Variants in LRRIQ3 observed in about 807,000 individuals in gnomAD.
The protein encoded by LRRIQ3 is leucine-rich repeat and IQ domain-containing protein 3.
Under a neutral mutation model 59.3 loss-of-function variants are expected in LRRIQ3, and 75 were observed. The observed-to-expected ratio is 1.26, with a 90% CI of 1.05 to 1.53. LRRIQ3 has a LOEUF of 1.53. LRRIQ3 is among the 40% of genes most tolerant of loss of function. The pLI is 0.00. For missense variants in LRRIQ3, 831 were observed against 710.0 expected (o/e 1.17, Z -1.94); for synonymous variants, 250 against 231.3 (o/e 1.08, Z -0.73).
chr1:74,179,533 C>T (rs952716237), intron 3 of LRRIQ3, among the ~76,000 whole-genome samples: 1 of 151,858 alleles, frequency 6.6e-6, no homozygotes, highest in Non-Finnish European at 1.5e-5. Context: ...TATTCTTATA[C>T]TCATTAATAA....
At chr1:74,132,344 G>C (rs1647037664) in intron 4 of LRRIQ3, among the ~76,000 whole-genome samples, 1 of 151,294 alleles carries the variant, frequency 6.6e-6, no homozygotes. Flanking sequence ...AACTACCAAT[G>C]ACTTTCTTGG....
intron 4 of LRRIQ3, among the ~76,000 whole-genome samples, chr1:74,147,273 T>A (rs966772836): frequency 1.3e-5 from 2 of 151,960 alleles, no homozygotes; most frequent in African/African-American, 4.8e-5. Context: ...AAAAGCAAAT[T>A]TAATTTGGTA....
chr1:74,034,315 T>C (rs1400027656), intron 7 of LRRIQ3, among the ~76,000 whole-genome samples: 1 of 151,984 alleles, frequency 6.6e-6, no homozygotes. Context: ...AGAGTAAAAC[T>C]CAAAGATGCC....
chr1:74,181,709 A>T (rs1649986571), intron 3 of LRRIQ3: 1 of 151,794 alleles, frequency 6.6e-6, no homozygotes, highest in Non-Finnish European at 1.5e-5. Flanking sequence ...ACTATTACAA[A>T]ATCACTAATA....
intron 4 of LRRIQ3, among the ~76,000 whole-genome samples, chr1:74,148,119 T>C (rs1331819865): frequency 1.3e-5 from 2 of 152,200 alleles, no homozygotes; most frequent in Non-Finnish European, 2.9e-5. Flanking sequence ...AGGCATTATG[T>C]TTCCTGCTTT....
At chr1:74,169,774 TC>T (rs1649209562) in intron 3 of LRRIQ3, among the ~76,000 whole-genome samples, 1 of 152,144 alleles carries the variant, frequency 6.6e-6, no homozygotes, top group Non-Finnish European at 1.5e-5. Context: ...AGTCTTGAAC[TC>T]CTGGCCTCAA....
intron 6 of LRRIQ3, among the ~76,000 whole-genome samples, chr1:74,065,889 A>G (rs892224350): frequency 6.6e-6 from 1 of 152,082 alleles, no homozygotes; most frequent in Non-Finnish European, 1.5e-5. Flanking sequence ...AGATTATTCA[A>G]CTACATAAAA....
intron 5 of LRRIQ3, among the ~76,000 whole-genome samples, chr1:74,086,489 T>A (rs1034662534): frequency 2.6e-5 from 4 of 152,140 alleles, no homozygotes; most frequent in Admixed American, 6.6e-5. Context: ...CTTTTTCTAA[T>A]TCCTAGTGCT....
At chr1:74,066,966 T>A (rs1018432542) in intron 6 of LRRIQ3, among the ~76,000 whole-genome samples, 21 of 152,156 alleles carry the variant, frequency 1.4e-4, no homozygotes, top group Non-Finnish European at 8.8e-5. Context: ...CAGAATTTAT[T>A]AACCAGTAAT....
intron 5 of LRRIQ3, among the ~76,000 whole-genome samples, chr1:74,086,631 G>C (rs1304120234): frequency 6.6e-6 from 1 of 152,070 alleles, no homozygotes; most frequent in Non-Finnish European, 1.5e-5. Flanking sequence ...GTTTTAATAT[G>C]AGTAATAGGC....
At chr1:74,133,474 A>T (rs1647062191) in intron 4 of LRRIQ3, among the ~76,000 whole-genome samples, 1 of 152,086 alleles carries the variant, frequency 6.6e-6, no homozygotes, top group Non-Finnish European at 1.5e-5. Flanking sequence ...AATGTCCAAC[A>T]ATGATAGACT....
chr1:74,177,022 T>C (rs1389877262), intron 3 of LRRIQ3, among the ~76,000 whole-genome samples: 1 of 152,218 alleles, frequency 6.6e-6, no homozygotes, highest in Non-Finnish European at 1.5e-5. Flanking sequence ...AGAGTGGTTA[T>C]TTTCTAAAAG....
chr1:74,038,191 C>A (rs991454389), intron 7 of LRRIQ3, among the ~76,000 whole-genome samples: 6 of 152,168 alleles, frequency 3.9e-5, no homozygotes, highest in African/African-American at 1.2e-4. Context: ...CCGGCTGTGG[C>A]AGACTGCAGC....
chr1:74,140,519 C>T (rs544459363), intron 4 of LRRIQ3, among the ~76,000 whole-genome samples: 9 of 151,848 alleles, frequency 5.9e-5, no homozygotes, highest in African/African-American at 1.9e-4. Context: ...AACTAGTAAT[C>T]CCAAAATTAA....
chr1:74,130,891 C>T (rs1019774181), intron 4 of LRRIQ3, among the ~76,000 whole-genome samples: 9 of 152,020 alleles, frequency 5.9e-5, no homozygotes, highest in African/African-American at 2.2e-4. Context: ...CAGAGCAGAA[C>T]TGAAGGAGAT....
chr1:74,134,816 A>C (rs765384787), intron 4 of LRRIQ3, among the ~76,000 whole-genome samples: 8 of 151,918 alleles, frequency 5.3e-5, no homozygotes, highest in Non-Finnish European at 1.2e-4. Flanking sequence ...ATATAAAAGA[A>C]TGTGGTAAAG....
intron 5 of LRRIQ3, among the ~76,000 whole-genome samples, chr1:74,096,114 GTGGAACTGGTCTATATTT>G (rs779048115): frequency 6.6e-6 from 1 of 151,950 alleles, no homozygotes; most frequent in Non-Finnish European, 1.5e-5. Flanking sequence ...ACTGTTAAGA[GTGGAACTGGTCTATATTT>G]TTAAGAATAG....
At chr1:74,116,424 T>C (rs1047856045) in intron 4 of LRRIQ3, among the ~76,000 whole-genome samples, 1 of 151,988 alleles carries the variant, frequency 6.6e-6, no homozygotes, top group African/African-American at 2.4e-5. Context: ...CAATCAGATA[T>C]AAGGCTCACC....
At chr1:74,165,710 G>C (rs1204400792) in intron 3 of LRRIQ3, among the ~76,000 whole-genome samples, 1 of 151,446 alleles carries the variant, frequency 6.6e-6, no homozygotes, top group Non-Finnish European at 1.5e-5. Flanking sequence ...GTTAGTTGTA[G>C]GTATTTTCTT....
Sources: allele counts gnomAD v4.1 joint callset (sites outside exome capture counted in the v4.1 genomes callset), GRCh38; gene constraint gnomAD v4.1.1; transcripts MANE v1.5; gene names NCBI Gene and HGNC (gene_info 2026-07-23, HGNC 2026-07-21).